The following CLASP2 variants were observed in gnomAD, a reference collection of about 807,000 sequenced individuals.
CLASP2 encodes CLIP-associating protein 2.
In CLASP2, 47 loss-of-function variants were observed where a neutral mutation model predicts 194.4. That is an observed-to-expected ratio of 0.24 (90% CI 0.19 to 0.31). The LOEUF is 0.31. Among genes scored for constraint, CLASP2 ranks in the 10% least tolerant of loss-of-function variants. CLASP2 has a pLI of 1.00. For synonymous variants in CLASP2, 619 were observed against 633.5 expected, an observed-to-expected ratio of 0.98 and a Z score of 0.34; for missense variants, 1,445 against 1,823.6, an observed-to-expected ratio of 0.79 and a Z score of 3.78.
At chr3:33,714,504 C>T (rs1011359175) in intron 1 of CLASP2, among the ~76,000 whole-genome samples, 8 of 152,118 alleles carry the variant, frequency 5.3e-5, no homozygotes, top group Non-Finnish European at 1.0e-4. Flanking sequence ...ACAATCTAAC[C>T]TACTGCTCAA....
intron 7 of CLASP2, among the ~76,000 whole-genome samples, chr3:33,648,569 T>C (rs2082663873): frequency 6.6e-6 from 1 of 152,036 alleles, no homozygotes; most frequent in South Asian, 2.1e-4. Flanking sequence ...CCACTTCCAA[T>C]AAGGTTATGG....
intron 7 of CLASP2, among the ~76,000 whole-genome samples, chr3:33,654,159 A>T (rs1195061526): frequency 6.6e-6 from 1 of 152,208 alleles, no homozygotes; most frequent in Non-Finnish European, 1.5e-5. Context: ...AATAACAGAG[A>T]AGTGACTATT....
chr3:33,523,015 G>A (rs767969064), intron 34 of CLASP2, among the ~76,000 whole-genome samples: 5 of 152,218 alleles, frequency 3.3e-5, no homozygotes, highest in Non-Finnish European at 7.3e-5. Context: ...GGCGGAGCTT[G>A]CAGTAAGCTG....
At chr3:33,687,308 G>A (rs537035911) in intron 4 of CLASP2, among the ~76,000 whole-genome samples, 173 bp from the exon 5 acceptor site, 9 of 150,976 alleles carry the variant, frequency 6.0e-5, no homozygotes, top group Admixed American at 2.0e-4. Context: ...TCTAAGCAAT[G>A]TAGCAAAAAA....
intron 12 of CLASP2, among the ~76,000 whole-genome samples, chr3:33,618,760 T>G (rs1422518380): frequency 6.6e-6 from 1 of 152,218 alleles, no homozygotes. Flanking sequence ...AATAGAAGTT[T>G]GGAAAAGTAC....
chr3:33,661,839 A>C (rs1490445271), intron 7 of CLASP2, among the ~76,000 whole-genome samples: 1 of 152,236 alleles, frequency 6.6e-6, no homozygotes, highest in Non-Finnish European at 1.5e-5. Context: ...GAATAAAAAC[A>C]GGGAAGAGGA....
intron 22 of CLASP2, among the ~76,000 whole-genome samples, chr3:33,582,698 C>G (rs934436098): frequency 6.6e-6 from 1 of 152,180 alleles, no homozygotes; most frequent in African/African-American, 2.4e-5. Flanking sequence ...TAAGCCAATG[C>G]TTTCGATTCC....
At chr3:33,660,497 T>C (rs2085124095) in intron 7 of CLASP2, among the ~76,000 whole-genome samples, 1 of 152,164 alleles carries the variant, frequency 6.6e-6, no homozygotes, top group South Asian at 2.1e-4. Flanking sequence ...TTACAACAAA[T>C]CCTTTGGTTT....
chr3:33,515,257 T>C (rs1487189191), intron 36 of CLASP2, among the ~76,000 whole-genome samples: 1 of 152,176 alleles, frequency 6.6e-6, no homozygotes, highest in South Asian at 2.1e-4. Flanking sequence ...ATTTTTTTTC[T>C]AATTCTTTCA....
At chr3:33,585,877 TA>T (rs1173254460) in intron 21 of CLASP2, among the ~76,000 whole-genome samples, 2 of 152,228 alleles carry the variant, frequency 1.3e-5, no homozygotes, top group African/African-American at 2.4e-5. Context: ...TGTTTCATTT[TA>T]AAATAGTTTG....
intron 31 of CLASP2, 122 bp from the exon 32 acceptor site, chr3:33,543,661 A>G: frequency 1.6e-6 from 1 of 607,652 alleles, no homozygotes. Context: ...ACAGGTCAAT[A>G]TTTTAAATAT....
At chr3:33,618,604 A>G (rs1176339925) in intron 12 of CLASP2, among the ~76,000 whole-genome samples, 1 of 152,090 alleles carries the variant, frequency 6.6e-6, no homozygotes, top group Non-Finnish European at 1.5e-5. Context: ...CTGAGATCGT[A>G]CCACTGCACT....
chr3:33,566,329 T>A (rs944812864), intron 27 of CLASP2, among the ~76,000 whole-genome samples: 9 of 152,222 alleles, frequency 5.9e-5, no homozygotes, highest in African/African-American at 1.9e-4. Flanking sequence ...AAATGTTTTT[T>A]TAAAAATTGT....
At chr3:33,594,314 C>T (rs939181086) in intron 20 of CLASP2, among the ~76,000 whole-genome samples, 6 of 151,910 alleles carry the variant, frequency 3.9e-5, no homozygotes, top group African/African-American at 1.5e-4. Flanking sequence ...TATTTTGAAT[C>T]GGAGGTTTTA....
chr3:33,675,911 C>A (rs1239920910), intron 6 of CLASP2, among the ~76,000 whole-genome samples: 1 of 150,832 alleles, frequency 6.6e-6, no homozygotes, highest in African/African-American at 2.4e-5. Context: ...GAACTACAAA[C>A]CACTGCTCAA....
At chr3:33,571,634 C>CA (rs749024624) in intron 25 of CLASP2, among the ~76,000 whole-genome samples, 5,146 of 122,650 alleles carry the variant, frequency 0.042, 121 homozygotes, top group Non-Finnish European at 0.059. Flanking sequence ...GACTCTGTCT[C>CA]AAAAAAAAAA....
intron 8 of CLASP2, among the ~76,000 whole-genome samples, chr3:33,636,461 A>G (rs114062359): frequency 0.019 from 2,969 of 152,304 alleles, 57 homozygotes; most frequent in African/African-American, 0.046. Context: ...GGAAAAAACT[A>G]TAACACAATT....
At chr3:33,602,651 T>A in intron 18 of CLASP2, 7 of 715,804 alleles carry the variant, frequency 9.8e-6, no homozygotes, top group Non-Finnish European at 1.3e-5. Flanking sequence ...GCCAATTCCC[T>A]TCCCAAACCC....
At chr3:33,542,133 A>G (rs2058461148) in intron 32 of CLASP2, among the ~76,000 whole-genome samples, 1 of 152,086 alleles carries the variant, frequency 6.6e-6, no homozygotes, top group African/African-American at 2.4e-5. Flanking sequence ...AAGGCTAGGA[A>G]AAGGAAATAA....
Sources: gnomAD v4.1 joint callset for allele counts (sites outside exome capture counted in the v4.1 genomes callset) on GRCh38, gnomAD v4.1.1 for gene constraint, MANE v1.5 for transcripts, NCBI Gene and HGNC (gene_info 2026-07-23, HGNC 2026-07-21) for gene names.